Variants in ANKRD12 observed in about 807,000 individuals in gnomAD.
ANKRD12 encodes the protein ankyrin repeat domain-containing protein 12.
ANKRD12 carries 85 observed loss-of-function variants against 183.4 expected under a neutral mutation model. The ratio of observed to expected loss-of-function variants is 0.46; its 90% CI spans 0.39 to 0.56. The LOEUF (loss-of-function observed/expected upper bound fraction) is 0.56. ANKRD12 is among the 20% of genes least tolerant of loss of function. The probability of loss-of-function intolerance (pLI) is 0.00; values close to 1 mark genes in which losing one functional copy is unlikely to be tolerated. For missense variants in ANKRD12, 2,405 were observed against 2,357.1 expected, an observed-to-expected ratio of 1.02 and a Z score of -0.42; for synonymous variants, 914 against 800.2, an observed-to-expected ratio of 1.14 and a Z score of -2.40.
At chr18:9,248,627 T>A (rs1761252588) in intron 8 of ANKRD12, among the ~76,000 whole-genome samples, 1 of 152,244 alleles carries the variant, frequency 6.6e-6, no homozygotes, top group South Asian at 2.1e-4. Context: ...TAAATAATTA[T>A]ACAAACACCA....
chr18:9,174,390 G>T (rs2033057020), intron 1 of ANKRD12, among the ~76,000 whole-genome samples: 1 of 152,182 alleles, frequency 6.6e-6, no homozygotes, highest in African/African-American at 2.4e-5. Flanking sequence ...GATTCCCAAG[G>T]GTGGAGTCTG....
chr18:9,285,426 CCAA>C lies in ANKRD12; in HGVS notation c.*4301_*4303del, dbSNP rs2040199641. 9.9e-6 allele frequency: 1 copy of C among 101,196 alleles called. No individual in the cohort carries two copies. The highest frequency in any genetic ancestry group is 1.9e-5 in the Non-Finnish European group (1 of 51,504). The allele number at this position is 101,196 out of a possible 1,614,324, so 6.3% of individuals were successfully genotyped here. On this transcript the variant is annotated 3_prime_UTR_variant, in exon 13 of 13. Transcript: ENST00000262126. ...GGGCAACAAGAGTGAAACTCTGTCT[CCAA>C]AAAAAAAAAAAAAAAAAAAAAGTAT...
intron 10 of ANKRD12, among the ~76,000 whole-genome samples, chr18:9,275,104 T>C (rs2039770193): frequency 6.6e-6 from 1 of 152,120 alleles, no homozygotes; most frequent in Admixed American, 6.6e-5. Flanking sequence ...GGTGGAAAGA[T>C]TGCTTGAGTC....
chr18:9,232,169 C>T (rs966567471), intron 8 of ANKRD12, among the ~76,000 whole-genome samples: 7 of 152,090 alleles, frequency 4.6e-5, no homozygotes, highest in African/African-American at 1.7e-4. Context: ...TGTGGTACTA[C>T]CATTTGATTA....
chr18:9,174,706 A>T (rs1419119277), intron 1 of ANKRD12, among the ~76,000 whole-genome samples: 1 of 152,142 alleles, frequency 6.6e-6, no homozygotes, highest in Non-Finnish European at 1.5e-5. Flanking sequence ...TCCCAGTGTG[A>T]GAACCTGGAC....
chr18:9,181,130 AT>A (rs2033669417), intron 1 of ANKRD12, among the ~76,000 whole-genome samples: 1 of 152,152 alleles, frequency 6.6e-6, no homozygotes, highest in South Asian at 2.1e-4. Flanking sequence ...AAGTTTCTTA[AT>A]TTCTTCAAAT....
chr18:9,162,388 T>C (rs1042525473), intron 1 of ANKRD12, among the ~76,000 whole-genome samples: 1 of 152,228 alleles, frequency 6.6e-6, no homozygotes, highest in African/African-American at 2.4e-5. Flanking sequence ...TCTCTTTCCT[T>C]TTTATGGCTG....
At chr18:9,176,916 T>A (rs1043493221) in intron 1 of ANKRD12, among the ~76,000 whole-genome samples, 4 of 152,208 alleles carry the variant, frequency 2.6e-5, no homozygotes, top group Non-Finnish European at 5.9e-5. Context: ...AGTGGAAAAC[T>A]GTCTTATAGC....
chr18:9,272,625 G>A (rs2039659546), intron 10 of ANKRD12, among the ~76,000 whole-genome samples: 2 of 152,124 alleles, frequency 1.3e-5, no homozygotes, highest in Middle Eastern at 6.8e-3. Context: ...GGGATTTTTG[G>A]TTATTGCTTT....
At chr18:9,215,124 AAAG>A (rs2036024041) in intron 6 of ANKRD12, among the ~76,000 whole-genome samples, 1 of 152,144 alleles carries the variant, frequency 6.6e-6, no homozygotes, top group Admixed American at 6.6e-5. Context: ...AGTGAGGAAA[AAAG>A]AAAATCTGCC....
intron 3 of ANKRD12, among the ~76,000 whole-genome samples, chr18:9,197,183 A>C (rs1598523501): frequency 1.3e-5 from 2 of 152,342 alleles, no homozygotes; most frequent in South Asian, 2.1e-4. Flanking sequence ...GAATAAAATT[A>C]AGGAGAAAAT....
intron 11 of ANKRD12, among the ~76,000 whole-genome samples, chr18:9,277,770 CAT>C (rs1007465430): frequency 3.0e-5 from 4 of 131,982 alleles, no homozygotes; most frequent in Admixed American, 7.2e-5. Flanking sequence ...TAGATGAAAA[CAT>C]ATTGGTAATC....
chr18:9,187,139 A>G lies in ANKRD12; in HGVS notation c.87+4620A>G, dbSNP rs1041179997. Among the ~76,000 whole-genome samples the G allele has an allele frequency of 2.0e-5, 3 of 152,090 alleles. No individual in the cohort carries two copies. The East Asian group carries it at 5.8e-4, about 29-fold the overall frequency. ...TTGTTTTTCCCCATAACATTTTTAG[A>G]AATGAGGCTGGGCATGGTGGCTCAT... On this transcript the variant is annotated intron_variant, in intron 2 of 12. Coordinates refer to ENST00000262126, the MANE Select transcript of ANKRD12 (RefSeq NM_015208.5).
At chr18:9,253,406 C>T (rs2038414372) in intron 8 of ANKRD12, among the ~76,000 whole-genome samples, 1 of 152,094 alleles carries the variant, frequency 6.6e-6, no homozygotes, top group Admixed American at 6.5e-5. Flanking sequence ...TAATTTTTTG[C>T]TCCCACATAC....
chr18:9,148,364 A>C (rs1299980699), intron 1 of ANKRD12, among the ~76,000 whole-genome samples: 1 of 152,198 alleles, frequency 6.6e-6, no homozygotes, highest in Non-Finnish European at 1.5e-5. Flanking sequence ...TACCCTAGGC[A>C]AATAGATAAT....
At chr18:9,270,312 A>G (rs1389052817) in intron 10 of ANKRD12, among the ~76,000 whole-genome samples, 4 of 152,204 alleles carry the variant, frequency 2.6e-5, no homozygotes, top group Non-Finnish European at 4.4e-5. Context: ...ACACATGCAC[A>G]CGTATGTTTA....
At chr18:9,277,562 C>T (rs1220556586) in intron 11 of ANKRD12, among the ~76,000 whole-genome samples, 3 of 151,596 alleles carry the variant, frequency 2.0e-5, no homozygotes, top group Admixed American at 6.6e-5. Flanking sequence ...CTCCTGACCT[C>T]GTGATCCACC....
intron 1 of ANKRD12, among the ~76,000 whole-genome samples, chr18:9,161,737 G>GAT (rs1478597676): frequency 6.8e-6 from 1 of 146,776 alleles, no homozygotes. Flanking sequence ...GTGATATGTT[G>GAT]ATGTGTGTGT....
intron 8 of ANKRD12, among the ~76,000 whole-genome samples, chr18:9,241,319 T>A (rs1211149595): frequency 6.6e-6 from 1 of 152,212 alleles, no homozygotes; most frequent in Non-Finnish European, 1.5e-5. Context: ...AGATTTTTCA[T>A]TTAACATGTA....
Sources: gnomAD v4.1 joint callset for allele counts (sites outside exome capture counted in the v4.1 genomes callset) on GRCh38, gnomAD v4.1.1 for gene constraint, MANE v1.5 for transcripts, NCBI Gene and HGNC (gene_info 2026-07-23, HGNC 2026-07-21) for gene names.